Variants in HCN1 observed in about 807,000 individuals in gnomAD.
HCN1 encodes the protein hyperpolarization activated cyclic nucleotide gated potassium channel 1.
Under a neutral mutation model 78.9 loss-of-function variants are expected in HCN1, and 13 were observed. That is an observed-to-expected ratio of 0.16 (90% confidence interval 0.11 to 0.26). HCN1 has a LOEUF of 0.26. Ranked by LOEUF, HCN1 falls within the 10% of genes least tolerant of loss-of-function variation. The pLI is 1.00. For synonymous variants in HCN1, 552 were observed against 455.5 expected, an observed-to-expected ratio of 1.21 and a Z score of -2.70; for missense variants, 810 against 1,154.3, an observed-to-expected ratio of 0.70 and a Z score of 4.32.
chr5:45,616,073 G>GA (rs759056571), intron 2 of HCN1, among the ~76,000 whole-genome samples: 1,881 of 128,964 alleles, frequency 0.015, 20 homozygotes, highest in Non-Finnish European at 0.017. Context: ...TGTTTTTCTT[G>GA]AAAAAAAAAA....
intron 2 of HCN1, among the ~76,000 whole-genome samples, chr5:45,464,672 T>C (rs1413865519): frequency 1.3e-5 from 2 of 151,268 alleles, no homozygotes; most frequent in African/African-American, 2.5e-5. Flanking sequence ...AAGTATATAA[T>C]ATTACTTGTG....
intron 1 of HCN1, among the ~76,000 whole-genome samples, chr5:45,684,582 C>T (rs1056595977): frequency 1.3e-5 from 2 of 152,040 alleles, no homozygotes; most frequent in Admixed American, 6.6e-5. Flanking sequence ...TCAAATAGGC[C>T]AGGCACGGTG....
At chr5:45,308,647 C>T (rs552470576) in intron 5 of HCN1, among the ~76,000 whole-genome samples, 39 of 152,136 alleles carry the variant, frequency 2.6e-4, no homozygotes, top group Non-Finnish European at 4.6e-4. Context: ...TTTTCAATTT[C>T]AGATATATGT....
In HCN1 at chr5:45,623,719, C is replaced by A. The variant is rs1298646304; in HGVS notation, c.849+21466G>T. Among the ~76,000 whole-genome samples the A allele has an allele frequency of 2.0e-5, 3 of 152,024 alleles. No homozygotes were observed. In the South Asian group the frequency reaches 6.2e-4, roughly 32 times the overall value. On this transcript the variant is annotated intron_variant, in intron 2 of 7. Transcript: ENST00000303230. Reference sequence around the variant, plus strand: ...GTTGTTTTAGGCAAAGAGGACAACACAATAATGAAACAAAATCTCATGTTC... The same window carrying A: ...GTTGTTTTAGGCAAAGAGGACAACAAAATAATGAAACAAAATCTCATGTTC...
At chr5:45,266,953 C>A in intron 7 of HCN1, 136 bp downstream of exon 7, 1 of 751,188 alleles carries the variant, frequency 1.3e-6, no homozygotes, top group East Asian at 2.7e-5. Flanking sequence ...AAATGATCCA[C>A]CTGCCTTGGC....
intron 6 of HCN1, among the ~76,000 whole-genome samples, chr5:45,286,702 G>T (rs926556144): frequency 6.6e-6 from 1 of 151,878 alleles, no homozygotes; most frequent in Non-Finnish European, 1.5e-5. Flanking sequence ...CAAGCAAAGG[G>T]AACTACTTAG....
intron 6 of HCN1, among the ~76,000 whole-genome samples, chr5:45,299,935 C>A (rs1362507620): frequency 6.6e-6 from 1 of 151,912 alleles, no homozygotes; most frequent in Admixed American, 6.6e-5. Context: ...AGAAATATTA[C>A]ATCAAGAAAA....
At chr5:45,348,490 T>C (rs1746800640) in intron 5 of HCN1, among the ~76,000 whole-genome samples, 1 of 152,116 alleles carries the variant, frequency 6.6e-6, no homozygotes, top group South Asian at 2.1e-4. Flanking sequence ...AACATCATAA[T>C]GACAGGATCA....
chr5:45,422,753 A>G, intron 3 of HCN1, among the ~76,000 whole-genome samples: 1 of 152,166 alleles, frequency 6.6e-6, no homozygotes, highest in Non-Finnish European at 1.5e-5. Context: ...TTTAAAAAAT[A>G]TATATATCAC....
At chr5:45,687,819 G>A (rs1739837707) in intron 1 of HCN1, among the ~76,000 whole-genome samples, 1 of 152,102 alleles carries the variant, frequency 6.6e-6, no homozygotes, top group Non-Finnish European at 1.5e-5. Context: ...AGAGTGATTA[G>A]GCAATAAACA....
At chr5:45,432,548 T>A (rs1740484243) in intron 3 of HCN1, among the ~76,000 whole-genome samples, 1 of 152,146 alleles carries the variant, frequency 6.6e-6, no homozygotes, top group South Asian at 2.1e-4. Context: ...AGAGAGGGCA[T>A]CCTTGTTTTG....
intron 5 of HCN1, among the ~76,000 whole-genome samples, chr5:45,319,426 T>C (rs1431602160): frequency 6.6e-6 from 1 of 151,926 alleles, no homozygotes; most frequent in Non-Finnish European, 1.5e-5. Flanking sequence ...TTGTGTTTTT[T>C]CTTATTGTAG....
intron 3 of HCN1, among the ~76,000 whole-genome samples, chr5:45,433,476 C>T (rs536380721): frequency 8.6e-5 from 13 of 151,738 alleles, no homozygotes; most frequent in Non-Finnish European, 1.3e-4. Flanking sequence ...TCGCTGCACA[C>T]GAGATGGGTC....
chr5:45,333,310 C>A (rs941460738), intron 5 of HCN1, among the ~76,000 whole-genome samples: 3 of 151,616 alleles, frequency 2.0e-5, no homozygotes, highest in Non-Finnish European at 1.5e-5. Context: ...CTATTCAAAT[C>A]TTTTGAGTAT....
intron 2 of HCN1, among the ~76,000 whole-genome samples, chr5:45,556,793 C>A (rs1291002666): frequency 1.3e-5 from 2 of 152,020 alleles, no homozygotes; most frequent in African/African-American, 4.8e-5. Context: ...CCCATCAATT[C>A]TTATTCTTAT....
chr5:45,607,443 A>G (rs2111973033), intron 2 of HCN1, among the ~76,000 whole-genome samples: 1 of 151,752 alleles, frequency 6.6e-6, no homozygotes, highest in South Asian at 2.1e-4. Flanking sequence ...AGACATCAAG[A>G]CCAAGTTGGA....
At chr5:45,687,630 T>C (rs921146982) in intron 1 of HCN1, among the ~76,000 whole-genome samples, 1 of 152,180 alleles carries the variant, frequency 6.6e-6, no homozygotes, top group Non-Finnish European at 1.5e-5. Context: ...CATTTCTCCT[T>C]ATGCCATCCC....
In HCN1 at chr5:45,306,014, TG is replaced by T. The variant is rs749576928; in HGVS notation, c.1378-2176del. On this transcript the variant is annotated intron_variant, in intron 5 of 7. Transcript: ENST00000303230. ...GACAAGTCTTCTGTATTAAAAAATT[TG>T]TTTTTACTATTTCAAATATTTCTAT... Among the ~76,000 whole-genome samples, 95 of 152,240 alleles carry T rather than the reference TG, an allele frequency of 6.2e-4. 1 individual carries two copies. Among genetic ancestry groups the T allele is most frequent in the Non-Finnish European group, 7.4e-5 (5 of 68,018 alleles).
intron 4 of HCN1, among the ~76,000 whole-genome samples, chr5:45,374,464 CT>C (rs1747555883): frequency 6.7e-6 from 1 of 149,010 alleles, no homozygotes; most frequent in South Asian, 2.1e-4. Flanking sequence ...AAATGTAATC[CT>C]TATACAGACC....
Sources: allele counts gnomAD v4.1 joint callset (sites outside exome capture counted in the v4.1 genomes callset), GRCh38; gene constraint gnomAD v4.1.1; transcripts MANE v1.5; gene names NCBI Gene and HGNC (gene_info 2026-07-23, HGNC 2026-07-21).